The following ANKRD26 variants were observed in gnomAD, a reference collection of about 807,000 sequenced individuals.
ANKRD26 encodes ankyrin repeat domain 26.
ANKRD26 carries 141 observed loss-of-function variants against 208.7 expected under a neutral mutation model. That is an observed-to-expected ratio of 0.68 (90% confidence interval 0.59 to 0.78). The LOEUF is 0.78. Ranked by LOEUF, ANKRD26 falls within the 30% of genes least tolerant of loss-of-function variation. The pLI, the probability that ANKRD26 is intolerant of heterozygous loss-of-function variation, is 0.00. For missense variants in ANKRD26, 1,889 were observed against 1,938.7 expected, an observed-to-expected ratio of 0.97 and a Z score of 0.48; for synonymous variants, 636 against 660.4, an observed-to-expected ratio of 0.96 and a Z score of 0.57.
At chr10:27,084,798 G>A (rs1020660704) in intron 5 of ANKRD26, among the ~76,000 whole-genome samples, 1 of 151,284 alleles carries the variant, frequency 6.6e-6, no homozygotes, top group African/African-American at 2.4e-5. Context: ...GAACCCAGGA[G>A]GCGGATGTTG....
the ANKRD26 span, among the ~76,000 whole-genome samples, chr10:26,948,470 T>C: frequency 2.7e-3 from 410 of 152,298 alleles, 1 homozygote; most frequent in African/African-American, 9.6e-3. Context: ...ATACACAACA[T>C]AGAATAATCT....
At chr10:27,046,332 T>C (rs2054443403) in intron 18 of ANKRD26, 21 bp downstream of exon 18, 7 of 1,612,572 alleles carry the variant, frequency 4.3e-6, no homozygotes, top group Non-Finnish European at 5.9e-6. Context: ...CATAGAAAAA[T>C]AAAGAAATCA....
At chr10:26,993,598 T>C (rs909579042) in intron 5 of ANKRD26, among the ~76,000 whole-genome samples, 1 of 152,158 alleles carries the variant, frequency 6.6e-6, no homozygotes, top group Non-Finnish European at 1.5e-5. Flanking sequence ...GGGACTAAGG[T>C]GAGGGTTGCT....
chr10:27,092,045 A>C (rs141885303), intron 4 of ANKRD26, among the ~76,000 whole-genome samples: 1 of 152,260 alleles, frequency 6.6e-6, no homozygotes, highest in African/African-American at 2.4e-5. Flanking sequence ...AATAAAACTG[A>C]TAAGAAACCT....
intron 9 of ANKRD26, among the ~76,000 whole-genome samples, chr10:27,070,579 A>C (rs927348027): frequency 6.6e-6 from 1 of 152,224 alleles, no homozygotes; most frequent in Non-Finnish European, 1.5e-5. Flanking sequence ...AACAACTATG[A>C]ATACTAAAGT....
At chr10:27,083,241 G>A (rs1044743314) in intron 5 of ANKRD26, among the ~76,000 whole-genome samples, 1 of 151,482 alleles carries the variant, frequency 6.6e-6, no homozygotes. Flanking sequence ...TTTACTTAAT[G>A]TGTTATTTAC....
chr10:27,044,157 C>G lies in ANKRD26; in HGVS notation c.2019G>C (p.Lys673Asn). ...TTTGATAATTTATTTTTTACAGTAC[C>G]TTGTTCTTTTCATTAGATGTTTTCT... ...PTKKTSNEKN[K>N]VKNQIQSMDD... Residue 673 changes from lysine (K) to asparagine (N), a missense_variant and splice_region_variant, in exon 19 of 34, where the codon AAG becomes AAC. Physicochemically the swap from Lys to Asn is moderately conservative, Grantham distance 94. Coordinates refer to ENST00000376087, the MANE Select transcript of ANKRD26 (RefSeq NM_014915.3). 7.1e-7 allele frequency: 1 copy of G among 1,402,114 alleles called. No homozygotes were observed. The highest frequency in any genetic ancestry group is 9.7e-7 in the Non-Finnish European group (1 of 1,028,338). The allele number at this position is 1,402,114 out of a possible 1,614,324, so 86.9% of individuals were successfully genotyped here.
intron 9 of ANKRD26, among the ~76,000 whole-genome samples, chr10:27,071,012 T>G (rs948729149): frequency 2.0e-5 from 3 of 152,150 alleles, no homozygotes; most frequent in Non-Finnish European, 4.4e-5. Context: ...TTCCTTATGA[T>G]TCTATAATAG....
intron 15 of ANKRD26, among the ~76,000 whole-genome samples, chr10:27,054,795 G>A (rs1215983073): frequency 2.0e-5 from 3 of 152,158 alleles, no homozygotes; most frequent in African/African-American, 7.2e-5. Context: ...CAGCAGTTGA[G>A]TAATCCCAGA....
chr10:27,080,369 A>G (rs2055863184), intron 6 of ANKRD26, among the ~76,000 whole-genome samples: 1 of 152,126 alleles, frequency 6.6e-6, no homozygotes, highest in Non-Finnish European at 1.5e-5. Flanking sequence ...GTCCCCTGAA[A>G]TGTGTGAAAT....
At chr10:26,995,968 T>C (rs936981379) in intron 4 of ANKRD26, among the ~76,000 whole-genome samples, 1 of 152,198 alleles carries the variant, frequency 6.6e-6, no homozygotes, top group Admixed American at 6.5e-5. Flanking sequence ...ACGTATATCA[T>C]GTATATTGCC....
At chr10:27,066,606 A>T in intron 10 of ANKRD26, 58 bp from the exon 11 acceptor site, 2 of 1,146,734 alleles carry the variant, frequency 1.7e-6, no homozygotes, top group Non-Finnish European at 2.6e-6. Flanking sequence ...TAAATTTTAA[A>T]TACATAATTA....
chr10:26,954,150 A>G, the ANKRD26 span, among the ~76,000 whole-genome samples: 1 of 152,200 alleles, frequency 6.6e-6, no homozygotes, highest in Non-Finnish European at 1.5e-5. Flanking sequence ...TCATGGTCTT[A>G]AGTGGACATA....
At chr10:27,037,592 G>C (rs553037686) in intron 22 of ANKRD26, among the ~76,000 whole-genome samples, 156 of 152,176 alleles carry the variant, frequency 1.0e-3, no homozygotes, top group Non-Finnish European at 1.7e-3. Context: ...CATAATTTTA[G>C]AGCTATTTAG....
Position 27,028,848 on chromosome 10 carries a change from T to C in ANKRD26, c.3972+4A>G, listed in dbSNP as rs962215297. On this transcript the variant is annotated splice_donor_region_variant and intron_variant, in intron 27 of 33. Coordinates refer to ENST00000376087, the MANE Select transcript of ANKRD26 (RefSeq NM_014915.3). ...GTACGACAGAAATTAAGTGGCTGAC[T>C]TACCAAATTTGCATTTAACAGGTTT... 4 of 1,610,714 alleles carry C rather than the reference T, an allele frequency of 2.5e-6. No individual in the cohort carries two copies. In the African/African-American group the frequency reaches 4.0e-5, roughly 16 times the overall value.
At chr10:26,982,483 A>C (rs1209981295) in intron 4 of ANKRD26, among the ~76,000 whole-genome samples, 1 of 152,104 alleles carries the variant, frequency 6.6e-6, no homozygotes, top group Non-Finnish European at 1.5e-5. Flanking sequence ...CTCTAGTCTC[A>C]GGATTTTTCT....
At chr10:27,043,716 G>T in intron 19 of ANKRD26, 149 bp from the exon 20 acceptor site, 1 of 729,940 alleles carries the variant, frequency 1.4e-6, no homozygotes, top group Non-Finnish European at 2.2e-6. Context: ...TTTATCAACA[G>T]CTAGTGCTTC....
intron 1 of ANKRD26, among the ~76,000 whole-genome samples, chr10:27,097,416 C>T (rs1388177235): frequency 6.6e-6 from 1 of 151,792 alleles, no homozygotes; most frequent in African/African-American, 2.4e-5. Flanking sequence ...AAGCTGAGAT[C>T]TGGCCACTGC....
rs1428560162 is a variant in ANKRD26, at chr10:27,017,609, T to C, written c.4399A>G (p.Arg1467Gly). Residue 1467 changes from arginine to glycine, a missense_variant, in exon 30 of 34, where the codon AGG becomes GGG. Physicochemically the swap from Arg to Gly is moderately radical, Grantham distance 125 (BLOSUM62 -2). Transcript: ENST00000376087. Reference protein sequence around the residue: ...EVINLRSHIERNMVELGQVKQ... With the variant: ...EVINLRSHIEGNMVELGQVKQ... ...ACTTGACCAAGTTCTACCATATTCC[T>C]TTCTATATGACTTCTCAGGTTGATC... The C allele has an allele frequency of 2.5e-6, 4 of 1,613,732 alleles. No homozygotes were observed. Among genetic ancestry groups the C allele is most frequent in the East Asian group, 2.2e-5 (1 of 44,776 alleles).
Sources: gnomAD v4.1 joint callset for allele counts (sites outside exome capture counted in the v4.1 genomes callset) on GRCh38, gnomAD v4.1.1 for gene constraint, MANE v1.5 for transcripts, NCBI Gene and HGNC (gene_info 2026-07-23, HGNC 2026-07-21) for gene names.